Variants in PEX7 observed in about 807,000 individuals in gnomAD.
PEX7 encodes the protein peroxisomal biogenesis factor 7, also known as PTS2 receptor.
PEX7 carries 34 observed loss-of-function variants against 47.5 expected under a neutral mutation model. The ratio of observed to expected loss-of-function variants is 0.72; its 90% CI spans 0.54 to 0.95. The LOEUF is 0.95. Among genes scored for constraint, PEX7 ranks in the 40% least tolerant of loss-of-function variants. The pLI is 0.00. For synonymous variants in PEX7, 141 were observed against 148.8 expected, an observed-to-expected ratio of 0.95 and a Z score of 0.38; for missense variants, 394 against 400.3, an observed-to-expected ratio of 0.98 and a Z score of 0.13.
intron 9 of PEX7, among the ~76,000 whole-genome samples, chr6:136,912,854 T>C (rs1185867002): frequency 6.6e-6 from 1 of 152,230 alleles, no homozygotes; most frequent in Non-Finnish European, 1.5e-5. Flanking sequence ...CCCTGGACTT[T>C]CTTCCCTTCA....
chr6:136,893,050 G>A (rs987116567), intron 8 of PEX7, among the ~76,000 whole-genome samples: 3 of 152,130 alleles, frequency 2.0e-5, no homozygotes, highest in African/African-American at 4.8e-5. Context: ...GGCTGTTGAG[G>A]TGTATGGGAC....
Position 136,822,728 on chromosome 6 carries a change from C to G in PEX7, c.63C>G (p.Ala21=), listed in dbSNP as rs935581914. The change falls in exon 1 of 10, where the codon GCC becomes GCG. Residue 21 remains alanine, a synonymous_variant. Transcript: ENST00000318471. ...MLRTPGRHGY[A]AEFSPYLPGR... is the part of the protein sequence containing the mutation. ...GGACGCCGGGACGCCACGGCTACGC[C>G]GCCGAGTTCTCCCCGTACCTGCCGG... 33 of 1,513,132 alleles carry G rather than the reference C, an allele frequency of 2.2e-5. No homozygotes were observed. The highest frequency in any genetic ancestry group is 2.7e-5 in the Non-Finnish European group (31 of 1,137,588). The allele number at this position is 1,513,132 out of a possible 1,614,324, so 93.7% of individuals were successfully genotyped here.
intron 8 of PEX7, among the ~76,000 whole-genome samples, chr6:136,888,536 T>C (rs1189842910): frequency 6.6e-6 from 1 of 152,176 alleles, no homozygotes. Flanking sequence ...TCATCTTTGG[T>C]TTCCTTTTAA....
At chr6:136,882,175 C>CTTTTT (rs35653586) in intron 8 of PEX7, among the ~76,000 whole-genome samples, 105 of 104,292 alleles carry the variant, frequency 1.0e-3, no homozygotes, top group Middle Eastern at 5.4e-3. Flanking sequence ...TCTTCTTCTT[C>CTTTTT]TTTTTTTTTT....
chr6:136,824,824 A>G (rs980165676), intron 1 of PEX7, among the ~76,000 whole-genome samples: 2 of 152,234 alleles, frequency 1.3e-5, no homozygotes, highest in East Asian at 3.8e-4. Context: ...TCTGTAAGCC[A>G]GAGGTTTCTC....
chr6:136,832,425 T>C (rs1009574678), intron 3 of PEX7, among the ~76,000 whole-genome samples: 3 of 152,252 alleles, frequency 2.0e-5, no homozygotes, highest in African/African-American at 4.8e-5. Flanking sequence ...TGCAAATGTC[T>C]CTGACATGCC....
At chr6:136,829,989 T>G (rs1206022473) in intron 3 of PEX7, 7 of 682,704 alleles carry the variant, frequency 1.0e-5, no homozygotes, top group Admixed American at 2.2e-5. Context: ...CAATTTCTGT[T>G]TTTTTTTTTT....
At chr6:136,859,648 T>C (rs1021785654) in intron 5 of PEX7, among the ~76,000 whole-genome samples, 1 of 152,188 alleles carries the variant, frequency 6.6e-6, no homozygotes, top group Non-Finnish European at 1.5e-5. Context: ...ATTCTCCTTA[T>C]GCAACTTCCT....
chr6:136,895,174 C>T (rs1775627837), intron 8 of PEX7, among the ~76,000 whole-genome samples: 1 of 152,080 alleles, frequency 6.6e-6, no homozygotes, highest in Non-Finnish European at 1.5e-5. Flanking sequence ...CATAGAAAAA[C>T]TCTGGAAGTA....
At chr6:136,884,608 G>T (rs1481283126) in intron 8 of PEX7, among the ~76,000 whole-genome samples, 1 of 124,698 alleles carries the variant, frequency 8.0e-6, no homozygotes. Flanking sequence ...TTTAGAAAAT[G>T]TAAGTTTCAT....
intron 6 of PEX7, among the ~76,000 whole-genome samples, chr6:136,867,190 A>G (rs1409607037): frequency 1.3e-5 from 2 of 152,192 alleles, no homozygotes; most frequent in East Asian, 1.9e-4. Flanking sequence ...CCTCTGTAAG[A>G]TAAGTGTCCA....
intron 5 of PEX7, among the ~76,000 whole-genome samples, chr6:136,852,461 G>T (rs1774776405): frequency 1.2e-5 from 1 of 81,532 alleles, no homozygotes; most frequent in East Asian, 3.4e-4. Context: ...CTTCAGCAAA[G>T]TCTCAGGATA....
chr6:136,912,897 C>T (rs936418759), intron 9 of PEX7, among the ~76,000 whole-genome samples: 3 of 152,106 alleles, frequency 2.0e-5, no homozygotes, highest in African/African-American at 2.4e-5. Flanking sequence ...TGTGAATGTC[C>T]TTGTCTTTTA....
Position 136,913,712 on chromosome 6 carries a change from T to C in PEX7, c.*186T>C. ...ACTTTAGCTGACTCGTTAAGCCTGA[T>C]ACATAAGCCATATTTAAAATTCTAA... On this transcript the variant is annotated 3_prime_UTR_variant, in exon 10 of 10. Coordinates refer to ENST00000318471, the MANE Select transcript of PEX7 (RefSeq NM_000288.4). 2 of 603,004 alleles carry C rather than the reference T, an allele frequency of 3.3e-6. No homozygotes were observed. The highest frequency in any genetic ancestry group is 4.0e-5 in the South Asian group (2 of 50,406). The allele number at this position is 603,004 out of a possible 1,614,324, so 37.4% of individuals were successfully genotyped here.
chr6:136,873,626 TTTC>T (rs1297272041), intron 8 of PEX7, among the ~76,000 whole-genome samples: 1 of 152,136 alleles, frequency 6.6e-6, no homozygotes, highest in African/African-American at 2.4e-5. Context: ...CTAATTGATT[TTTC>T]TTAAAATTCC....
In PEX7 at chr6:136,900,447, G is replaced by C; in HGVS notation, c.903+2206G>C. The C allele has an allele frequency of 2.3e-6, 1 of 443,704 alleles. No individual in the cohort carries two copies. The highest frequency in any genetic ancestry group is 4.5e-6 in the Non-Finnish European group (1 of 223,050). 27.5% of individuals were successfully genotyped at this position (443,704 alleles called of 1,614,324 possible). A position where few individuals can be genotyped will look rare whatever the true frequency, so the allele number is the denominator to read the frequency against. Reference sequence around the variant, plus strand: ...GCTTGGCAGTGTGAGCCACAGACTTGGGACCAAGGACATTGCCCCCCCAGT... The same window carrying C: ...GCTTGGCAGTGTGAGCCACAGACTTCGGACCAAGGACATTGCCCCCCCAGT... On this transcript the variant is annotated intron_variant, in intron 9 of 9. Transcript: ENST00000318471. The surrounding 1 kb of genome is among the most constrained non-coding windows in gnomAD (Gnocchi z 4.2).
At chr6:136,899,080 C>CTTTTTTT (rs71547049) in intron 9 of PEX7, among the ~76,000 whole-genome samples, 1,383 of 111,850 alleles carry the variant, frequency 0.012, 5 homozygotes, top group Middle Eastern at 0.02. Context: ...TTTTTCTTTT[C>CTTTTTTT]TTTTTTTTTT....
At chr6:136,878,217 G>A (rs4273710) in intron 8 of PEX7, among the ~76,000 whole-genome samples, 62,049 of 152,018 alleles carry the variant, frequency 0.41, 13,384 homozygotes, top group South Asian at 0.52. Context: ...GAGACGATGG[G>A]GCTTTCTAAG....
intron 3 of PEX7, among the ~76,000 whole-genome samples, chr6:136,844,106 T>C (rs988578154): frequency 6.6e-6 from 1 of 152,220 alleles, no homozygotes; most frequent in African/African-American, 2.4e-5. Flanking sequence ...GGCTCATGCC[T>C]GTAAACCTAG....
Sources: gnomAD v4.1 joint callset for allele counts (sites outside exome capture counted in the v4.1 genomes callset) on GRCh38, gnomAD v4.1.1 for gene constraint, Gnocchi (gnomAD v3.1) non-coding constraint, MANE v1.5 for transcripts, NCBI Gene and HGNC (gene_info 2026-07-23, HGNC 2026-07-21) for gene names.